The following ERO1B variants were observed in gnomAD, a reference collection of about 807,000 sequenced individuals.
ERO1B encodes ERO1-like protein beta.
In ERO1B, 49 loss-of-function variants were observed where a neutral mutation model predicts 75.3. That is an observed-to-expected ratio of 0.65 (90% confidence interval 0.52 to 0.83). The LOEUF is 0.83. Ranked by LOEUF, ERO1B falls within the 40% of genes least tolerant of loss-of-function variation. ERO1B has a pLI of 0.00. For synonymous variants in ERO1B, 191 were observed against 192.9 expected (o/e 0.99, Z 0.08); for missense variants, 512 against 560.1 (o/e 0.91, Z 0.87).
chr1:236,253,421 C>T lies in ERO1B; in HGVS notation c.306+1G>A, dbSNP rs776589385. 2.5e-6 allele frequency: 4 copies of T among 1,590,796 alleles called. No homozygotes were observed. Among genetic ancestry groups the T allele is most frequent in the African/African-American group, 2.7e-5 (2 of 74,426 alleles). ...TTGCCCTGTTATTTTATTTATTATA[C>T]CTCTGGACAGGGCTCCACATGACAG... On this transcript the variant is annotated splice_donor_variant, in intron 3 of 15. Transcript: ENST00000354619. LOFTEE classifies it high-confidence loss of function.
chr1:236,252,976 A>C (rs2102957219), intron 3 of ERO1B, among the ~76,000 whole-genome samples: 1 of 152,232 alleles, frequency 6.6e-6, no homozygotes, highest in South Asian at 2.1e-4. Context: ...TTTAAATGTA[A>C]ATGTAACAAG....
intron 15 of ERO1B, among the ~76,000 whole-genome samples, chr1:236,219,387 T>C (rs1558503729): frequency 6.6e-6 from 1 of 152,178 alleles, no homozygotes; most frequent in Non-Finnish European, 1.5e-5. Flanking sequence ...TAATAAGCTC[T>C]AGATATAGAA....
At chr1:236,248,911 ATATG>A (rs1664948520) in intron 5 of ERO1B, among the ~76,000 whole-genome samples, 1 of 151,986 alleles carries the variant, frequency 6.6e-6, no homozygotes, top group Non-Finnish European at 1.5e-5. Context: ...GAAATGGAGG[ATATG>A]TATGTGGGTG....
Position 236,236,344 on chromosome 1 carries a change from T to TA in ERO1B, c.559dup (p.Tyr187LeufsTer5), listed in dbSNP as rs1308275255. On this transcript the variant is annotated frameshift_variant, in exon 7 of 16. Coordinates refer to ENST00000354619, the MANE Select transcript of ERO1B (RefSeq NM_019891.4). LOFTEE classifies it high-confidence loss of function. ...TGCAGAGGTCCCTTTATAGCCAGTG[T>TA]AACGCTCTGGGTTCAGCAATAGGTC... The TA allele has an allele frequency of 1.2e-6, 2 of 1,613,958 alleles. No homozygotes were observed. The highest frequency in any genetic ancestry group is 1.7e-6 in the Non-Finnish European group (2 of 1,179,990).
At chr1:236,275,023 T>G (rs555595787) in intron 1 of ERO1B, among the ~76,000 whole-genome samples, 13 of 152,174 alleles carry the variant, frequency 8.5e-5, no homozygotes, top group Non-Finnish European at 1.6e-4. Context: ...AAGATCCTAA[T>G]GCAGTAAGCT....
At chr1:236,223,994 T>G (rs538905962) in intron 13 of ERO1B, among the ~76,000 whole-genome samples, 1 of 152,214 alleles carries the variant, frequency 6.6e-6, no homozygotes, top group East Asian at 1.9e-4. Context: ...CTAAAACATC[T>G]TGGGGTCAAA....
At chr1:236,250,613 A>ATATATATG (rs1558515561) in intron 4 of ERO1B, among the ~76,000 whole-genome samples, 1 of 46,176 alleles carries the variant, frequency 2.2e-5, no homozygotes, top group Non-Finnish European at 5.0e-5. Flanking sequence ...ATATATATAT[A>ATATATATG]TATATCAAAC....
At chr1:236,222,441 A>C (rs995181921) in intron 13 of ERO1B, among the ~76,000 whole-genome samples, 3 of 152,226 alleles carry the variant, frequency 2.0e-5, no homozygotes, top group Non-Finnish European at 4.4e-5. Context: ...GTAAAGAAAA[A>C]TACTTGATAC....
intron 8 of ERO1B, among the ~76,000 whole-genome samples, chr1:236,233,723 T>C (rs1340482465): frequency 6.6e-6 from 1 of 152,240 alleles, no homozygotes; most frequent in African/African-American, 2.4e-5. Context: ...CTTTAATCAT[T>C]ATGCACACAA....
At chr1:236,228,156 A>G (rs1397978387) in intron 10 of ERO1B, among the ~76,000 whole-genome samples, 1 of 152,206 alleles carries the variant, frequency 6.6e-6, no homozygotes, top group Non-Finnish European at 1.5e-5. Context: ...AAGCAAAGCA[A>G]AACTCATGAA....
chr1:236,247,353 C>T lies in ERO1B; in HGVS notation c.431+2532G>A, dbSNP rs529987747. The stretch of plus-strand genomic sequence containing the variant: ...CTGTCCACAGGTCAGTAAATGGCAA[C>T]TCCATTTTTATAATTCCAAATCTTG... On this transcript the variant is annotated intron_variant, in intron 5 of 15. Coordinates refer to ENST00000354619, the MANE Select transcript of ERO1B (RefSeq NM_019891.4). Among the ~76,000 whole-genome samples the T allele has an allele frequency of 1.1e-4, 16 of 152,298 alleles. 1 individual carries two copies. In the South Asian group the frequency reaches 3.3e-3, roughly 32 times the overall value.
chr1:236,245,333 TATATATACGTATATATATAC>T (rs1664825450), intron 5 of ERO1B, among the ~76,000 whole-genome samples: 4 of 30,850 alleles, frequency 1.3e-4, no homozygotes, highest in African/African-American at 1.7e-4. Flanking sequence ...CACACACGTA[TATATATACGTATATATATAC>T]ACACGTATAT....
intron 6 of ERO1B, 105 bp downstream of exon 6, chr1:236,243,317 A>G: frequency 1.3e-6 from 1 of 783,062 alleles, no homozygotes; most frequent in Non-Finnish European, 2.0e-6. Context: ...TACATAGCAA[A>G]ATCCAGTACT....
At chr1:236,226,548 T>C in intron 11 of ERO1B, 33 bp from the exon 12 acceptor site, 1 of 1,597,970 alleles carries the variant, frequency 6.3e-7, no homozygotes, top group Non-Finnish European at 8.5e-7. Context: ...TACATTGTTT[T>C]AGTAAACAGG....
chr1:236,232,029 T>C (rs1372639272), intron 9 of ERO1B, among the ~76,000 whole-genome samples: 2 of 152,186 alleles, frequency 1.3e-5, no homozygotes, highest in African/African-American at 2.4e-5. Flanking sequence ...ACATGCACTA[T>C]CCAATTGTAC....
chr1:236,273,981 T>A (rs1665657381), intron 1 of ERO1B, among the ~76,000 whole-genome samples: 1 of 10,874 alleles, frequency 9.2e-5, no homozygotes, highest in South Asian at 1.9e-3. Flanking sequence ...CCATATCCTA[T>A]TTTTTTTTTT....
chr1:236,251,401 T>C lies in ERO1B; in HGVS notation c.348+649A>G, dbSNP rs147608189. 1.3e-4 allele frequency: 99 copies of C among 751,598 alleles called. 1 individual carries two copies. In the African/African-American group the frequency reaches 1.8e-3, roughly 14 times the overall value. The allele number at this position is 751,598 out of a possible 1,614,324, so 46.6% of individuals were successfully genotyped here. ...AAATGGCTGAGGGGGTTTCAACTGC[T>C]TTTATATGGTTTTATTTATTTCAGA... On this transcript the variant is annotated intron_variant, in intron 4 of 15. Coordinates refer to ENST00000354619, the MANE Select transcript of ERO1B (RefSeq NM_019891.4).
chr1:236,253,323 T>C (rs994420736), intron 3 of ERO1B, 99 bp downstream of exon 3: 4 of 713,136 alleles, frequency 5.6e-6, no homozygotes, highest in Non-Finnish European at 7.2e-6. Context: ...TGCTGACACA[T>C]CCAAATCCAT....
At position 236,226,365 on chromosome 1, in the gene ERO1B, G is replaced by T; in HGVS notation, c.956C>A (p.Pro319Gln). 6.2e-7 allele frequency: 1 copy of T among 1,614,042 alleles called. No homozygotes were observed. The highest frequency in any genetic ancestry group is 8.5e-7 in the Non-Finnish European group (1 of 1,179,964). Residue 319 changes from proline (P) to glutamine (Q), a missense_variant, in exon 12 of 16, where the codon CCA becomes CAA. Coordinates refer to ENST00000354619, the MANE Select transcript of ERO1B (RefSeq NM_019891.4). ...ATCGACAATTGAGCGCTCAAAATAT[G>T]GAGCCACCTTTGACAAAGCTCGAAG... ...IELRALSKVAPYFERSIVDLY... is the reference protein window; with the variant it reads ...IELRALSKVAQYFERSIVDLY...
Sources: gnomAD v4.1 joint callset for allele counts (sites outside exome capture counted in the v4.1 genomes callset) on GRCh38, gnomAD v4.1.1 for gene constraint, MANE v1.5 for transcripts, NCBI Gene and HGNC (gene_info 2026-07-23, HGNC 2026-07-21) for gene names.